IMMP2L: variants seen among roughly 807,000 people sequenced by gnomAD.
IMMP2L encodes the protein mitochondrial inner membrane protease subunit 2.
Under a neutral mutation model 19.3 loss-of-function variants are expected in IMMP2L, and 18 were observed. The observed-to-expected ratio is 0.93, with a 90% CI of 0.64 to 1.38. IMMP2L has a LOEUF of 1.38. IMMP2L is among the 40% of genes most tolerant of loss of function. The pLI, the probability that IMMP2L is intolerant of heterozygous loss-of-function variation, is 0.00. For missense variants in IMMP2L, 233 were observed against 218.2 expected (o/e 1.07, Z -0.43); for synonymous variants, 76 against 73.0 (o/e 1.04, Z -0.21).
intron 1 of IMMP2L, among the ~76,000 whole-genome samples, chr7:111,557,824 A>G (rs1791546375): frequency 6.6e-6 from 1 of 152,138 alleles, no homozygotes; most frequent in Non-Finnish European, 1.5e-5. Context: ...CAATGCAGAT[A>G]GATATACTAA....
At chr7:111,389,301 A>T (rs1832102124) in intron 3 of IMMP2L, among the ~76,000 whole-genome samples, 1 of 152,176 alleles carries the variant, frequency 6.6e-6, no homozygotes, top group Non-Finnish European at 1.5e-5. Context: ...GAGAGCAAAG[A>T]GCCAGGGCAG....
chr7:111,025,063 C>A (rs1028676445), intron 3 of IMMP2L, among the ~76,000 whole-genome samples: 1 of 152,142 alleles, frequency 6.6e-6, no homozygotes, highest in Non-Finnish European at 1.5e-5. Flanking sequence ...CTCTTTCATT[C>A]CTTCCTTCAC....
chr7:110,680,371 G>C (rs1417697337), intron 5 of IMMP2L, among the ~76,000 whole-genome samples: 1 of 152,120 alleles, frequency 6.6e-6, no homozygotes, highest in Non-Finnish European at 1.5e-5. Context: ...ACTCCACTCT[G>C]CCTGTCTCCT....
chr7:111,090,776 G>C (rs907212728), intron 3 of IMMP2L, among the ~76,000 whole-genome samples: 2 of 152,074 alleles, frequency 1.3e-5, no homozygotes, highest in African/African-American at 4.8e-5. Flanking sequence ...GTCTCTACCA[G>C]GTGTTTTTAA....
intron 3 of IMMP2L, among the ~76,000 whole-genome samples, chr7:111,130,852 T>A (rs146138303): frequency 6.6e-6 from 1 of 152,068 alleles, no homozygotes; most frequent in Non-Finnish European, 1.5e-5. Flanking sequence ...TCTTTAATAA[T>A]GGTTTCAGAG....
At chr7:111,157,066 A>G (rs906274017) in intron 3 of IMMP2L, among the ~76,000 whole-genome samples, 7 of 152,218 alleles carry the variant, frequency 4.6e-5, no homozygotes, top group Non-Finnish European at 8.8e-5. Context: ...TATAAAACAT[A>G]AGGCATTAAC....
At chr7:110,964,716 T>C (rs906997170) in intron 3 of IMMP2L, among the ~76,000 whole-genome samples, 4 of 151,992 alleles carry the variant, frequency 2.6e-5, no homozygotes, top group African/African-American at 9.7e-5. Flanking sequence ...ACTTTTGAGA[T>C]TATGTTATAA....
At chr7:110,910,073 G>T (rs1264156735) in intron 4 of IMMP2L, among the ~76,000 whole-genome samples, 1 of 152,102 alleles carries the variant, frequency 6.6e-6, no homozygotes, top group South Asian at 2.1e-4. Context: ...AGGGAGGGAG[G>T]CTAGACATGA....
intron 1 of IMMP2L, among the ~76,000 whole-genome samples, chr7:111,547,581 G>A (rs1317300275): frequency 2.0e-5 from 3 of 149,734 alleles, no homozygotes; most frequent in Non-Finnish European, 3.0e-5. Context: ...GGGGAGACAG[G>A]GCCTTGTTCT....
intron 3 of IMMP2L, among the ~76,000 whole-genome samples, chr7:111,024,010 AGAT>A (rs1333111244): frequency 6.6e-6 from 1 of 152,228 alleles, no homozygotes; most frequent in Non-Finnish European, 1.5e-5. Context: ...AGTAATTTGT[AGAT>A]GACCATATTA....
At chr7:111,473,543 G>T (rs1411340078) in intron 3 of IMMP2L, among the ~76,000 whole-genome samples, 1 of 152,144 alleles carries the variant, frequency 6.6e-6, no homozygotes, top group East Asian at 1.9e-4. Context: ...GCGTAATCCA[G>T]CATGGAGCTA....
chr7:110,885,175 GATTTTTTTTTTATTTCGGAGT>G (rs1367549878), intron 5 of IMMP2L, among the ~76,000 whole-genome samples: 6 of 150,696 alleles, frequency 4.0e-5, no homozygotes, highest in African/African-American at 1.2e-4. Context: ...TCAAATTTTG[GATTTTTTTTTTATTTCGGAGT>G]ATTTGCACTA....
At chr7:111,032,250 A>C (rs1266823258) in intron 3 of IMMP2L, among the ~76,000 whole-genome samples, 1 of 152,100 alleles carries the variant, frequency 6.6e-6, no homozygotes, top group Non-Finnish European at 1.5e-5. Flanking sequence ...CTGGACCATT[A>C]GTACTGGCAA....
chr7:111,390,272 T>C (rs1464612370), intron 3 of IMMP2L, among the ~76,000 whole-genome samples: 1 of 152,086 alleles, frequency 6.6e-6, no homozygotes, highest in African/African-American at 2.4e-5. Context: ...CACTGGCTTG[T>C]CTAGGGTTCT....
chr7:110,767,314 T>C (rs780521777), intron 5 of IMMP2L, among the ~76,000 whole-genome samples: 13 of 152,158 alleles, frequency 8.5e-5, no homozygotes, highest in Admixed American at 3.3e-4. Flanking sequence ...GGAGAAACGA[T>C]GTTCCTAAAC....
chr7:111,436,879 C>A (rs1837225231), intron 3 of IMMP2L, among the ~76,000 whole-genome samples: 1 of 151,628 alleles, frequency 6.6e-6, no homozygotes, highest in South Asian at 2.1e-4. Context: ...GAAGGGGGTG[C>A]AGGTATGGCA....
At chr7:110,825,368 C>T (rs527718558) in intron 5 of IMMP2L, among the ~76,000 whole-genome samples, 9 of 152,178 alleles carry the variant, frequency 5.9e-5, no homozygotes, top group East Asian at 3.9e-4. Flanking sequence ...AAAAAGAGCC[C>T]GCATTGCCAA....
intron 1 of IMMP2L, among the ~76,000 whole-genome samples, chr7:111,534,602 T>C (rs941660394): frequency 1.3e-5 from 2 of 152,198 alleles, no homozygotes; most frequent in African/African-American, 2.4e-5. Context: ...TATCTTTATA[T>C]ACTAAAACAA....
rs75635864 is a variant in IMMP2L at position 110,751,005 on chromosome 7, C to T, written c.409-87284G>A. Among the ~76,000 whole-genome samples the T allele has an allele frequency of 6.0e-3, 919 of 152,094 alleles. 8 individuals carry two copies. The highest frequency in any genetic ancestry group is 0.017 in the African/African-American group (713 of 41,522). ...CAAGTGGAAATGATAAAAGCAATTT[C>T]ACATCTAAAAATGTTTTCAGAGTGA... On this transcript the variant is annotated intron_variant, in intron 5 of 5. Transcript: ENST00000405709.
Sources: gnomAD v4.1 joint callset for allele counts (sites outside exome capture counted in the v4.1 genomes callset) on GRCh38, gnomAD v4.1.1 for gene constraint, MANE v1.5 for transcripts, NCBI Gene and HGNC (gene_info 2026-07-23, HGNC 2026-07-21) for gene names.